The following PLCB1 variants were observed in gnomAD, a reference collection of about 807,000 sequenced individuals.
PLCB1 encodes the protein 1-phosphatidylinositol 4,5-bisphosphate phosphodiesterase beta-1.
In PLCB1, 46 loss-of-function variants were observed where a neutral mutation model predicts 161.8. The observed-to-expected ratio is 0.28, with a 90% CI of 0.22 to 0.36. The LOEUF (loss-of-function observed/expected upper bound fraction) is 0.36. PLCB1 is among the 10% of genes least tolerant of loss of function. The pLI is 1.00. For missense variants in PLCB1, 1,016 were observed against 1,472.5 expected, an observed-to-expected ratio of 0.69 and a Z score of 5.07; for synonymous variants, 517 against 503.7, an observed-to-expected ratio of 1.03 and a Z score of -0.35.
chr20:8,741,620 A>G lies in PLCB1; in HGVS notation c.2523+47A>G, dbSNP rs369037010. The G allele has an allele frequency of 3.6e-5, 45 of 1,246,052 alleles. No homozygotes were observed. In the African/African-American group the frequency reaches 5.8e-4, roughly 16 times the overall value. 77.2% of individuals were successfully genotyped at this position (1,246,052 alleles called of 1,614,324 possible). On this transcript the variant is annotated intron_variant, in intron 23 of 31. Coordinates refer to ENST00000338037, the MANE Select transcript of PLCB1 (RefSeq NM_015192.4). ...ACATATAGCATTAAGCATGATCACC[A>G]CACCTACTTGTTGGCTTTGCCTAAG...
chr20:8,729,578 C>T (rs1168486207), intron 18 of PLCB1: 1 of 153,294 alleles, frequency 6.5e-6, no homozygotes, highest in Non-Finnish European at 1.4e-5. Context: ...CATATAAATG[C>T]TTTTTTTATG....
chr20:8,160,274 G>A (rs1182269573), intron 2 of PLCB1, among the ~76,000 whole-genome samples: 1 of 152,042 alleles, frequency 6.6e-6, no homozygotes, highest in African/African-American at 2.4e-5. Context: ...ACATTTTCCT[G>A]TCTCCTTCTG....
chr20:8,320,438 T>A (rs528592704), intron 2 of PLCB1, among the ~76,000 whole-genome samples: 1 of 152,294 alleles, frequency 6.6e-6, no homozygotes, highest in East Asian at 1.9e-4. Context: ...TCCTAGACAT[T>A]AATTGTGTGT....
In PLCB1 at chr20:8,630,005, T is replaced by TCTTTCTTC. The variant is rs746185755; in HGVS notation, c.384+1580_384+1581insTCCTTTCT. 3.5e-3 allele frequency among the ~76,000 whole-genome samples: 436 copies of TCTTTCTTC among 122,970 alleles called. 2 individuals carry two copies. Among genetic ancestry groups the TCTTTCTTC allele is most frequent in the Middle Eastern group, 0.013 (3 of 234 alleles). The allele number at this position is 122,970 out of a possible 152,430, so 80.7% of individuals were successfully genotyped here. On this transcript the variant is annotated intron_variant, in intron 4 of 31. Transcript: ENST00000338037. Reference sequence around the variant, plus strand: ...TTCTTTCTTTCTTTCTTTCTTTCTTTCTTTCTCTTTCTTCTTTCCTTTCTT... The same window carrying TCTTTCTTC: ...TTCTTTCTTTCTTTCTTTCTTTCTTTCTTTCTTCCTTTCTCTTTCTTCTTTCCTTTCTT...
At chr20:8,454,205 G>C (rs545026795) in intron 3 of PLCB1, among the ~76,000 whole-genome samples, 20 of 152,278 alleles carry the variant, frequency 1.3e-4, no homozygotes, top group African/African-American at 4.8e-4. Context: ...AATAATACAG[G>C]CTCTGAGGCT....
At chr20:8,633,846 G>T (rs1378384075) in intron 4 of PLCB1, among the ~76,000 whole-genome samples, 2 of 151,964 alleles carry the variant, frequency 1.3e-5, no homozygotes, top group East Asian at 3.8e-4. Flanking sequence ...AGTCTTACCT[G>T]TTTTTAAAAT....
rs140136926 is a variant in PLCB1 at position 8,411,687 on chromosome 20, C to T, written c.246+40237C>T. On this transcript the variant is annotated intron_variant, in intron 3 of 31. Coordinates refer to ENST00000338037, the MANE Select transcript of PLCB1 (RefSeq NM_015192.4). The stretch of plus-strand genomic sequence containing the variant: ...GCAGAAGAGCATGTGGATCTGCTAC[C>T]TGACAAACAGAGGCATTTTCCTGCA... Among the ~76,000 whole-genome samples, 276 of 152,170 alleles carry T rather than the reference C, an allele frequency of 1.8e-3. 1 individual carries two copies. Among genetic ancestry groups the T allele is most frequent in the African/African-American group, 6.5e-3 (268 of 41,518 alleles).
At chr20:8,574,949 A>G (rs1202104237) in intron 3 of PLCB1, among the ~76,000 whole-genome samples, 1 of 152,236 alleles carries the variant, frequency 6.6e-6, no homozygotes, top group Non-Finnish European at 1.5e-5. Context: ...TGGGGAATCA[A>G]CAGAGGCCTG....
At chr20:8,412,291 T>C (rs969235055) in intron 3 of PLCB1, among the ~76,000 whole-genome samples, 3 of 152,142 alleles carry the variant, frequency 2.0e-5, no homozygotes, top group African/African-American at 7.2e-5. Flanking sequence ...ATAGCCAGGA[T>C]CCAGTTAGCC....
intron 3 of PLCB1, among the ~76,000 whole-genome samples, chr20:8,580,645 A>G (rs1986806297): frequency 6.6e-6 from 1 of 152,230 alleles, no homozygotes; most frequent in South Asian, 2.1e-4. Context: ...TTACTGCACA[A>G]CTACTGGGTG....
chr20:8,303,173 TAAG>T (rs1189899765), intron 2 of PLCB1, among the ~76,000 whole-genome samples: 2 of 152,226 alleles, frequency 1.3e-5, no homozygotes, highest in East Asian at 3.8e-4. Flanking sequence ...TCTCAGAACA[TAAG>T]AAGAGCATCT....
intron 3 of PLCB1, among the ~76,000 whole-genome samples, chr20:8,499,022 C>A (rs542097149): frequency 4.6e-5 from 7 of 152,284 alleles, no homozygotes; most frequent in African/African-American, 1.4e-4. Flanking sequence ...TCTTCCTGTA[C>A]CACTTGTCAA....
chr20:8,360,886 A>T (rs1986516902), intron 2 of PLCB1, among the ~76,000 whole-genome samples: 1 of 152,262 alleles, frequency 6.6e-6, no homozygotes, highest in East Asian at 1.9e-4. Context: ...GGCAGAAAAA[A>T]AATTGTGATA....
intron 3 of PLCB1, among the ~76,000 whole-genome samples, chr20:8,384,828 A>T (rs984488960): frequency 1.1e-4 from 17 of 152,104 alleles, no homozygotes; most frequent in African/African-American, 4.1e-4. Flanking sequence ...TTCAGGCCCT[A>T]TTCATCTGGT....
chr20:8,802,459 T>G (rs990682735), intron 31 of PLCB1: 3 of 356,040 alleles, frequency 8.4e-6, no homozygotes, highest in African/African-American at 2.1e-5. Context: ...ATTGGCAAAT[T>G]TGGCTTCCTT....
intron 7 of PLCB1, among the ~76,000 whole-genome samples, chr20:8,656,171 T>A (rs1989452619): frequency 1.3e-5 from 2 of 152,078 alleles, no homozygotes; most frequent in African/African-American, 4.8e-5. Context: ...CTCAAAATTC[T>A]GTTTTGCAAA....
At chr20:8,788,119 A>G (rs939316017) in intron 27 of PLCB1, among the ~76,000 whole-genome samples, 5 of 152,226 alleles carry the variant, frequency 3.3e-5, no homozygotes, top group Non-Finnish European at 5.9e-5. Flanking sequence ...TTCACTTTTA[A>G]TAAGTCTTAG....
intron 8 of PLCB1, 65 bp downstream of exon 8, chr20:8,657,349 G>C (rs974689519): frequency 1.1e-6 from 1 of 915,268 alleles, no homozygotes. Flanking sequence ...GGCTAGAGCA[G>C]GACTTGGAGT....
At chr20:8,525,118 C>T (rs1185593062) in intron 3 of PLCB1, among the ~76,000 whole-genome samples, 1 of 151,556 alleles carries the variant, frequency 6.6e-6, no homozygotes, top group Non-Finnish European at 1.5e-5. Context: ...TTCCAATGTC[C>T]AGAAGGAAAC....
Sources: allele counts gnomAD v4.1 joint callset (sites outside exome capture counted in the v4.1 genomes callset), GRCh38; gene constraint gnomAD v4.1.1; transcripts MANE v1.5; gene names NCBI Gene and HGNC (gene_info 2026-07-23, HGNC 2026-07-21).